Variants in DENND1A observed in about 807,000 individuals in gnomAD.
DENND1A encodes the protein DENN domain containing 1A.
A neutral mutation model predicts 113.7 loss-of-function variants in DENND1A; 51 were observed. The ratio of observed to expected loss-of-function variants is 0.45; its 90% confidence interval spans 0.36 to 0.57. DENND1A has a LOEUF of 0.57. DENND1A is among the 20% of genes least tolerant of loss of function. The pLI, the probability that DENND1A is intolerant of heterozygous loss-of-function variation, is 0.00. For missense variants in DENND1A, 1,258 were observed against 1,395.9 expected (o/e 0.90, Z 1.57); for synonymous variants, 565 against 570.8 (o/e 0.99, Z 0.14).
chr9:123,554,549 C>G (rs946503751), intron 13 of DENND1A, among the ~76,000 whole-genome samples: 7 of 152,222 alleles, frequency 4.6e-5, no homozygotes, highest in African/African-American at 1.7e-4. Flanking sequence ...TAAAAACCAT[C>G]TAGGTGACAT....
chr9:123,385,538 T>G (rs2042519768), intron 22 of DENND1A, among the ~76,000 whole-genome samples: 1 of 152,106 alleles, frequency 6.6e-6, no homozygotes, highest in Admixed American at 6.5e-5. Context: ...CCCGTGGCAC[T>G]GGTAAAGTGG....
intron 3 of DENND1A, among the ~76,000 whole-genome samples, chr9:123,783,091 T>C (rs1831570061): frequency 2.0e-5 from 3 of 152,190 alleles, no homozygotes; most frequent in Non-Finnish European, 4.4e-5. Flanking sequence ...AGGACAGTGG[T>C]CCCATTACTA....
chr9:123,412,968 G>A (rs1472327797), intron 19 of DENND1A, among the ~76,000 whole-genome samples: 2 of 152,222 alleles, frequency 1.3e-5, no homozygotes, highest in Non-Finnish European at 2.9e-5. Context: ...CGGACCACCT[G>A]AGGTCAGGAG....
At chr9:123,387,967 C>G (rs139051696) in intron 21 of DENND1A, 109 bp from the exon 22 acceptor site, 30 of 1,146,610 alleles carry the variant, frequency 2.6e-5, no homozygotes, top group East Asian at 6.0e-5. Context: ...GGCCCTGCCT[C>G]TGTGTGCCAG....
chr9:123,629,645 T>C (rs2061391925), intron 10 of DENND1A, among the ~76,000 whole-genome samples: 1 of 152,258 alleles, frequency 6.6e-6, no homozygotes. Context: ...ATGGTAGGGC[T>C]GTCGCCAAAA....
intron 5 of DENND1A, among the ~76,000 whole-genome samples, chr9:123,699,197 A>G (rs1188906203): frequency 2.0e-5 from 3 of 152,148 alleles, no homozygotes; most frequent in African/African-American, 7.2e-5. Context: ...TGCTATTACT[A>G]TCACTATTAT....
At position 123,930,110 on chromosome 9, in the gene DENND1A, T is replaced by C. The variant is rs1363454749; in HGVS notation, c.-205A>G. On this transcript the variant is annotated 5_prime_UTR_variant, in exon 1 of 24. It removes an upstream start codon present in the reference 5' UTR. Coordinates refer to ENST00000394215, the MANE Select transcript of DENND1A (RefSeq NM_001352964.2). ...ACTCGCTCCAGCCCGGCGAACGCCA[T>C]GGTCGCCGGCGCGCGTGCCCGGCGC... 5 of 188,758 alleles carry C rather than the reference T, an allele frequency of 2.6e-5. No homozygotes were observed. Among genetic ancestry groups the C allele is most frequent in the African/African-American group, 9.8e-5 (4 of 40,964 alleles). The allele number at this position is 188,758 out of a possible 1,614,324, so 11.7% of individuals were successfully genotyped here.
intron 12 of DENND1A, among the ~76,000 whole-genome samples, chr9:123,562,019 C>T (rs2057788084): frequency 6.6e-6 from 1 of 152,288 alleles, no homozygotes; most frequent in East Asian, 1.9e-4. Flanking sequence ...CCTCAGTGGG[C>T]CTTCTTCTGC....
rs879164389 is a variant in DENND1A, at chr9:123,422,235, G to A, written c.1489-10406C>T. 2.1e-3 allele frequency among the ~76,000 whole-genome samples: 314 copies of A among 152,326 alleles called. No homozygotes were observed. The highest frequency in any genetic ancestry group is 3.4e-3 in the Non-Finnish European group (234 of 68,038). On this transcript the variant is annotated intron_variant, in intron 19 of 23. Transcript: ENST00000394215. The surrounding 1 kb of genome is among the most constrained non-coding windows in gnomAD (Gnocchi z 4.8). The stretch of plus-strand genomic sequence containing the variant: ...TCAGTGAAGCCATCACCCAGCATCT[G>A]AATAATGCCAGACCCGCCAGTCATT...
chr9:123,414,168 C>T lies in DENND1A; in HGVS notation c.1489-2339G>A, dbSNP rs1375145628. 3.0e-6 allele frequency: 3 copies of T among 1,010,422 alleles called. No homozygotes were observed. In the East Asian group the frequency reaches 2.6e-4, roughly 88 times the overall value. The allele number at this position is 1,010,422 out of a possible 1,614,324, so 62.6% of individuals were successfully genotyped here. A position where few individuals can be genotyped will look rare whatever the true frequency, so the allele number is the denominator to read the frequency against. On this transcript the variant is annotated intron_variant, in intron 19 of 23. Coordinates refer to ENST00000394215, the MANE Select transcript of DENND1A (RefSeq NM_001352964.2). ...CATTTACTCCCTGGGTTACTCCAGGCCCACGATTTGACCATTCCAAGCCTT... is the reference window on the plus strand; with the variant it reads ...CATTTACTCCCTGGGTTACTCCAGGTCCACGATTTGACCATTCCAAGCCTT...
At chr9:123,830,019 T>C (rs193031810) in intron 2 of DENND1A, among the ~76,000 whole-genome samples, 7 of 152,322 alleles carry the variant, frequency 4.6e-5, no homozygotes, top group Non-Finnish European at 8.8e-5. Context: ...CTTGAATTTA[T>C]TCCAATAACA....
At position 123,687,138 on chromosome 9, in the gene DENND1A, G is replaced by T. The variant is rs537150005; in HGVS notation, c.303-10349C>A. On this transcript the variant is annotated intron_variant, in intron 5 of 23. Coordinates refer to ENST00000394215, the MANE Select transcript of DENND1A (RefSeq NM_001352964.2). ...GGTAAAGAAAGGAAGAAGGAGAGAC[G>T]GGCACACAGAGAAAGTAGGATATGA... Among the ~76,000 whole-genome samples, 4 of 152,168 alleles carry T rather than the reference G, an allele frequency of 2.6e-5. No homozygotes were observed. In the South Asian group the frequency reaches 8.3e-4, roughly 32 times the overall value.
At chr9:123,825,853 A>T (rs1354665255) in intron 2 of DENND1A, among the ~76,000 whole-genome samples, 1 of 152,228 alleles carries the variant, frequency 6.6e-6, no homozygotes, top group Non-Finnish European at 1.5e-5. Flanking sequence ...CTTCTCTGTG[A>T]AAGCAGTGGC....
chr9:123,581,743 CACCAGGTAAAACACTTCCCCG>C (rs1301123957), intron 12 of DENND1A, among the ~76,000 whole-genome samples: 2 of 152,200 alleles, frequency 1.3e-5, no homozygotes, highest in Non-Finnish European at 2.9e-5. Context: ...CACCAATGCC[CACCAGGTAAAACACTTCCCCG>C]ACCAGGACAC....
intron 2 of DENND1A, among the ~76,000 whole-genome samples, chr9:123,800,994 T>G (rs1389816662): frequency 2.0e-5 from 3 of 152,084 alleles, no homozygotes; most frequent in Non-Finnish European, 4.4e-5. Flanking sequence ...AATGCGGACA[T>G]CTCTGCAGGG....
intron 13 of DENND1A, among the ~76,000 whole-genome samples, chr9:123,499,038 T>C (rs2052217286): frequency 1.3e-5 from 2 of 148,220 alleles, no homozygotes; most frequent in Admixed American, 6.8e-5. Flanking sequence ...AAAAAAATCT[T>C]TTCTTTTTTG....
intron 1 of DENND1A, among the ~76,000 whole-genome samples, chr9:123,883,565 G>C (rs191709977): frequency 6.6e-6 from 1 of 152,132 alleles, no homozygotes; most frequent in Non-Finnish European, 1.5e-5. Context: ...TGCTGGACCC[G>C]TGACCATACT....
At chr9:123,613,704 T>C (rs561657469) in intron 10 of DENND1A, among the ~76,000 whole-genome samples, 12 of 152,340 alleles carry the variant, frequency 7.9e-5, no homozygotes, top group African/African-American at 2.6e-4. Flanking sequence ...CATAATTAAA[T>C]TAAAGTGGTG....
chr9:123,430,165 G>C (rs538277176), intron 19 of DENND1A, among the ~76,000 whole-genome samples: 158 of 152,260 alleles, frequency 1.0e-3, no homozygotes, highest in African/African-American at 3.7e-3. Flanking sequence ...TCAGAATAGC[G>C]ATTATTAAAA....
Sources: gnomAD v4.1 joint callset for allele counts (sites outside exome capture counted in the v4.1 genomes callset) on GRCh38, gnomAD v4.1.1 for gene constraint, Gnocchi (gnomAD v3.1) non-coding constraint, MANE v1.5 for transcripts, NCBI Gene and HGNC (gene_info 2026-07-23, HGNC 2026-07-21) for gene names.